Variants in BMP6 observed in about 807,000 individuals in gnomAD.
BMP6 encodes bone morphogenetic protein 6.
In BMP6, 17 loss-of-function variants were observed where a neutral mutation model predicts 54.1. That is an observed-to-expected ratio of 0.31 (90% CI 0.22 to 0.47). The LOEUF is 0.47. BMP6 is among the 20% of genes least tolerant of loss of function. The pLI is 1.00. For missense variants in BMP6, 720 were observed against 690.4 expected (o/e 1.04, Z -0.48); for synonymous variants, 328 against 291.2 (o/e 1.13, Z -1.28).
chr6:7,817,499 T>A (rs181556879), intron 1 of BMP6, among the ~76,000 whole-genome samples: 13 of 142,950 alleles, frequency 9.1e-5, no homozygotes, highest in African/African-American at 3.3e-4. Context: ...CCGCATGTTC[T>A]CACTCATAGG....
At position 7,881,591 on chromosome 6, in the gene BMP6, A is replaced by C. The variant is rs1169197142; in HGVS notation, c.*1248A>C. 6.6e-6 allele frequency: 1 copy of C among 152,232 alleles called. No individual in the cohort carries two copies. Among genetic ancestry groups the C allele is most frequent in the East Asian group, 1.9e-4 (1 of 5,200 alleles). The allele number at this position is 152,232 out of a possible 1,614,324, so 9.4% of individuals were successfully genotyped here. On this transcript the variant is annotated 3_prime_UTR_variant, in exon 7 of 7. Coordinates refer to ENST00000283147, the MANE Select transcript of BMP6 (RefSeq NM_001718.6). ...AATTGTACCACTTTGATTTTCTTGG[A>C]ATACAAGACTCGTGATGCAAAGCTG...
At chr6:7,785,855 A>G (rs182164843) in intron 1 of BMP6, among the ~76,000 whole-genome samples, 102 of 152,338 alleles carry the variant, frequency 6.7e-4, no homozygotes, top group African/African-American at 2.3e-3. Flanking sequence ...TTCAGAAAAT[A>G]AATACAGCCA....
intron 1 of BMP6, among the ~76,000 whole-genome samples, chr6:7,810,128 T>C (rs986977778): frequency 1.8e-4 from 28 of 152,330 alleles, no homozygotes; most frequent in African/African-American, 5.8e-4. Flanking sequence ...GGAAAATTTT[T>C]TAAAGTCATA....
intron 4 of BMP6, among the ~76,000 whole-genome samples, chr6:7,876,341 G>C (rs746199900): frequency 7.9e-5 from 12 of 152,148 alleles, no homozygotes; most frequent in Non-Finnish European, 1.3e-4. Flanking sequence ...GAATTTATCT[G>C]ATCCTCTTGG....
At chr6:7,731,644 T>A (rs911650204) in intron 1 of BMP6, among the ~76,000 whole-genome samples, 1 of 152,200 alleles carries the variant, frequency 6.6e-6, no homozygotes, top group African/African-American at 2.4e-5. Flanking sequence ...CAAATTCATA[T>A]TTCACTGATT....
intron 2 of BMP6, among the ~76,000 whole-genome samples, chr6:7,848,351 G>A (rs1759096997): frequency 6.6e-6 from 1 of 152,160 alleles, no homozygotes; most frequent in Non-Finnish European, 1.5e-5. Context: ...TATTGTGAAA[G>A]CTAAAGAACT....
chr6:7,729,556 C>T (rs758605587), intron 1 of BMP6, among the ~76,000 whole-genome samples: 1 of 152,078 alleles, frequency 6.6e-6, no homozygotes, highest in Non-Finnish European at 1.5e-5. Context: ...TTATTAGGGC[C>T]GCTTCGTGGG....
chr6:7,771,966 A>C (rs561970202), intron 1 of BMP6, among the ~76,000 whole-genome samples: 169 of 150,960 alleles, frequency 1.1e-3, no homozygotes, highest in Non-Finnish European at 1.9e-3. Flanking sequence ...GGCAGAGAGA[A>C]TTGCTTGAAC....
chr6:7,770,281 A>G (rs1164628384), intron 1 of BMP6, among the ~76,000 whole-genome samples: 2 of 152,250 alleles, frequency 1.3e-5, no homozygotes, highest in Non-Finnish European at 1.5e-5. Context: ...TGATATCTAA[A>G]TGCTTCTTCA....
At chr6:7,836,082 C>T (rs1353044870) in intron 1 of BMP6, among the ~76,000 whole-genome samples, 2 of 152,138 alleles carry the variant, frequency 1.3e-5, no homozygotes, top group Non-Finnish European at 2.9e-5. Flanking sequence ...CTCAGGTGAT[C>T]TGCCCACGGC....
chr6:7,781,121 A>G (rs1042929601), intron 1 of BMP6, among the ~76,000 whole-genome samples: 7 of 152,164 alleles, frequency 4.6e-5, no homozygotes, highest in African/African-American at 1.7e-4. Context: ...AGCTATGTCC[A>G]TGGTTACTTC....
At position 7,839,159 on chromosome 6, in the gene BMP6, T is replaced by C. The variant is rs144705086; in HGVS notation, c.665-5981T>C. ...GATATTTGAGGAAATCTGATCACTTTAACAATTTTATTATTATTTTACAGA... is the reference window on the plus strand; with the variant it reads ...GATATTTGAGGAAATCTGATCACTTCAACAATTTTATTATTATTTTACAGA... On this transcript the variant is annotated intron_variant, in intron 1 of 6. Transcript: ENST00000283147. Among the ~76,000 whole-genome samples the C allele has an allele frequency of 1.9e-3, 296 of 152,272 alleles. 4 individuals carry two copies. Among genetic ancestry groups the C allele is most frequent in the Middle Eastern group, 0.014 (4 of 294 alleles).
chr6:7,761,085 C>T (rs1216848601), intron 1 of BMP6, among the ~76,000 whole-genome samples: 1 of 152,252 alleles, frequency 6.6e-6, no homozygotes, highest in Non-Finnish European at 1.5e-5. Flanking sequence ...CAATGCGATA[C>T]AATATCCTCT....
intron 2 of BMP6, among the ~76,000 whole-genome samples, chr6:7,855,671 C>T (rs1315967268): frequency 6.6e-6 from 1 of 150,576 alleles, no homozygotes; most frequent in African/African-American, 2.4e-5. Flanking sequence ...AAGAGATCCT[C>T]CCACCTCAGC....
At chr6:7,839,220 A>T (rs1314354920) in intron 1 of BMP6, among the ~76,000 whole-genome samples, 2 of 152,186 alleles carry the variant, frequency 1.3e-5, no homozygotes, top group Non-Finnish European at 2.9e-5. Flanking sequence ...GCTGGAGCGC[A>T]GTGGTGTAAT....
intron 1 of BMP6, among the ~76,000 whole-genome samples, chr6:7,737,415 C>G (rs1363305672): frequency 1.3e-5 from 2 of 152,088 alleles, no homozygotes; most frequent in Non-Finnish European, 2.9e-5. Flanking sequence ...GGAGAGTTGC[C>G]TTTCCCCCCA....
intron 1 of BMP6, among the ~76,000 whole-genome samples, chr6:7,789,016 A>T (rs1056714875): frequency 2.0e-5 from 3 of 152,112 alleles, no homozygotes; most frequent in Admixed American, 6.5e-5. Flanking sequence ...AACTAATTGT[A>T]TGTGTTTAAG....
At chr6:7,751,125 A>T (rs1757416854) in intron 1 of BMP6, among the ~76,000 whole-genome samples, 1 of 152,214 alleles carries the variant, frequency 6.6e-6, no homozygotes, top group Admixed American at 6.5e-5. Context: ...CCTCCCGCTG[A>T]TATTTAGGTG....
At chr6:7,812,577 A>G (rs887859817) in intron 1 of BMP6, among the ~76,000 whole-genome samples, 1 of 152,252 alleles carries the variant, frequency 6.6e-6, no homozygotes, top group African/African-American at 2.4e-5. Context: ...ATGTCAAAAT[A>G]TAAACAAAAT....
Sources: allele counts gnomAD v4.1 joint callset (sites outside exome capture counted in the v4.1 genomes callset), GRCh38; gene constraint gnomAD v4.1.1; transcripts MANE v1.5; gene names NCBI Gene and HGNC (gene_info 2026-07-23, HGNC 2026-07-21).